Variants in NTM observed in about 807,000 individuals in gnomAD.
The protein encoded by NTM is neurotrimin.
NTM carries 13 observed loss-of-function variants against 42.1 expected under a neutral mutation model. That is an observed-to-expected ratio of 0.31 (90% CI 0.20 to 0.49). NTM has a LOEUF of 0.49. NTM is among the 20% of genes least tolerant of loss of function. The probability of loss-of-function intolerance (pLI) is 0.99; values close to 1 mark genes in which losing one functional copy is unlikely to be tolerated. For missense variants in NTM, 373 were observed against 452.8 expected (o/e 0.82, Z 1.60); for synonymous variants, 187 against 179.2 (o/e 1.04, Z -0.35).
At chr11:131,865,214 A>G (rs1305158906) in intron 1 of NTM, among the ~76,000 whole-genome samples, 1 of 152,216 alleles carries the variant, frequency 6.6e-6, no homozygotes, top group Non-Finnish European at 1.5e-5. Flanking sequence ...CCCTGATCAC[A>G]TGGCTGACAA....
chr11:131,919,384 A>C (rs2056897358), intron 2 of NTM, among the ~76,000 whole-genome samples: 1 of 152,228 alleles, frequency 6.6e-6, no homozygotes, highest in Non-Finnish European at 1.5e-5. Context: ...TTAGGAAACC[A>C]AGGACTTATT....
At chr11:131,787,460 GCCTCCT>G (rs893344072) in intron 1 of NTM, among the ~76,000 whole-genome samples, 4 of 150,948 alleles carry the variant, frequency 2.6e-5, no homozygotes, top group East Asian at 1.9e-4. Flanking sequence ...GCTCTCTGCA[GCCTCCT>G]CCTCCTCCTC....
At chr11:131,674,762 T>C (rs79032889) in intron 1 of NTM, among the ~76,000 whole-genome samples, 4,978 of 152,300 alleles carry the variant, frequency 0.033, 276 homozygotes, top group African/African-American at 0.11. Context: ...TTCTCTGAAA[T>C]TCTCTGAAAG....
intron 1 of NTM, among the ~76,000 whole-genome samples, chr11:131,380,499 C>T (rs181837508): frequency 6.6e-6 from 1 of 152,280 alleles, no homozygotes; most frequent in East Asian, 1.9e-4. Context: ...GCGTGAGCTA[C>T]CGTGCCCAAC....
intron 2 of NTM, among the ~76,000 whole-genome samples, chr11:132,048,248 C>G (rs113053509): frequency 0.075 from 11,422 of 152,138 alleles, 577 homozygotes; most frequent in Middle Eastern, 0.14. Context: ...AGCAATACCC[C>G]CCATGCCGCC....
At chr11:131,929,059 T>A (rs2058286491) in intron 2 of NTM, among the ~76,000 whole-genome samples, 1 of 152,252 alleles carries the variant, frequency 6.6e-6, no homozygotes, top group South Asian at 2.1e-4. Flanking sequence ...TTCTAGACCC[T>A]GAGACTCGAG....
intron 2 of NTM, among the ~76,000 whole-genome samples, chr11:132,012,906 G>A (rs975695977): frequency 6.6e-6 from 1 of 152,078 alleles, no homozygotes; most frequent in South Asian, 2.1e-4. Flanking sequence ...TTTCTTAGGT[G>A]ACTTTTCGGA....
intron 1 of NTM, among the ~76,000 whole-genome samples, chr11:131,560,886 A>G (rs1463505040): frequency 6.6e-6 from 1 of 152,208 alleles, no homozygotes; most frequent in Non-Finnish European, 1.5e-5. Context: ...AAGCACCTGC[A>G]CAAGCCACTT....
intron 4 of NTM, among the ~76,000 whole-genome samples, chr11:132,253,302 C>A (rs1216124720): frequency 1.3e-5 from 2 of 152,104 alleles, no homozygotes; most frequent in Admixed American, 1.3e-4. Flanking sequence ...ATAGCATTAC[C>A]CCATTTCTTC....
intron 2 of NTM, among the ~76,000 whole-genome samples, chr11:132,104,576 A>G (rs1342319986): frequency 2.9e-5 from 4 of 139,584 alleles, no homozygotes; most frequent in African/African-American, 1.1e-4. Flanking sequence ...ACATAGTGGG[A>G]CCCCCCCCCA....
chr11:131,470,946 C>T (rs898226810), intron 1 of NTM, among the ~76,000 whole-genome samples: 2 of 152,156 alleles, frequency 1.3e-5, no homozygotes, highest in Non-Finnish European at 2.9e-5. Context: ...ACACTGTGCT[C>T]GCCGAGTAGA....
At chr11:131,955,145 G>T (rs534220157) in intron 2 of NTM, among the ~76,000 whole-genome samples, 4 of 152,232 alleles carry the variant, frequency 2.6e-5, no homozygotes, top group South Asian at 2.1e-4. Flanking sequence ...CTTCAGGAAG[G>T]TACCCTGAGC....
intron 2 of NTM, among the ~76,000 whole-genome samples, chr11:131,942,867 G>A (rs1431333970): frequency 6.6e-6 from 1 of 151,720 alleles, no homozygotes; most frequent in Non-Finnish European, 1.5e-5. Context: ...AATCACTTGA[G>A]CCTGGAAGGT....
chr11:131,517,065 G>C (rs2048984414), intron 1 of NTM, among the ~76,000 whole-genome samples: 1 of 152,176 alleles, frequency 6.6e-6, no homozygotes, highest in Non-Finnish European at 1.5e-5. Context: ...AGCCTGACTG[G>C]GAAGTCTTTC....
At chr11:132,092,436 C>T (rs1235048820) in intron 2 of NTM, among the ~76,000 whole-genome samples, 3 of 152,348 alleles carry the variant, frequency 2.0e-5, no homozygotes, top group South Asian at 4.1e-4. Flanking sequence ...ACCCACCTGA[C>T]CTCCTCAAGT....
At chr11:132,089,320 G>A (rs7945824) in intron 2 of NTM, among the ~76,000 whole-genome samples, 7 of 152,272 alleles carry the variant, frequency 4.6e-5, no homozygotes, top group African/African-American at 1.7e-4. Flanking sequence ...TACTGGCAAA[G>A]CCTTGTTTCA....
chr11:131,483,710 G>T (rs1053634326), intron 1 of NTM, among the ~76,000 whole-genome samples: 3 of 152,192 alleles, frequency 2.0e-5, no homozygotes, highest in Non-Finnish European at 4.4e-5. Flanking sequence ...CTGTCCCTCC[G>T]CTGCGTTTCA....
chr11:131,642,598 A>C (rs1373977065), intron 1 of NTM, among the ~76,000 whole-genome samples: 1 of 152,180 alleles, frequency 6.6e-6, no homozygotes, highest in African/African-American at 2.4e-5. Context: ...GTTTTGCTAC[A>C]GACATGGCCC....
At chr11:131,779,906 C>T (rs930107521) in intron 1 of NTM, among the ~76,000 whole-genome samples, 1 of 152,118 alleles carries the variant, frequency 6.6e-6, no homozygotes, top group Non-Finnish European at 1.5e-5. Flanking sequence ...AGAAGCACTA[C>T]TCCAAGTGTC....
Sources: gnomAD v4.1 joint callset for allele counts (sites outside exome capture counted in the v4.1 genomes callset) on GRCh38, gnomAD v4.1.1 for gene constraint, MANE v1.5 for transcripts, NCBI Gene and HGNC (gene_info 2026-07-23, HGNC 2026-07-21) for gene names.